Variants in ZEB1 observed in about 807,000 individuals in gnomAD.
The protein encoded by ZEB1 is zinc finger E-box-binding homeobox 1.
Under a neutral mutation model 84.9 loss-of-function variants are expected in ZEB1, and 21 were observed. The ratio of observed to expected loss-of-function variants is 0.25; its 90% CI spans 0.18 to 0.36. The LOEUF (loss-of-function observed/expected upper bound fraction) is 0.36, where lower values mean the gene tolerates loss of function less well. Among genes scored for constraint, ZEB1 ranks in the 10% least tolerant of loss-of-function variants. The pLI, the probability that ZEB1 is intolerant of heterozygous loss-of-function variation, is 1.00. For missense variants in ZEB1, 1,104 were observed against 1,330.2 expected (o/e 0.83, Z 2.65); for synonymous variants, 420 against 471.1 (o/e 0.89, Z 1.41).
At chr10:31,503,488 G>T (rs1050294603) in intron 4 of ZEB1, among the ~76,000 whole-genome samples, 6 of 151,986 alleles carry the variant, frequency 3.9e-5, no homozygotes, top group Non-Finnish European at 7.4e-5. Flanking sequence ...GTACACTGAG[G>T]TTGATTCCAT....
At chr10:31,414,525 TTA>T (rs1491174738) in intron 1 of ZEB1, among the ~76,000 whole-genome samples, 3 of 152,174 alleles carry the variant, frequency 2.0e-5, no homozygotes, top group Non-Finnish European at 4.4e-5. Context: ...AATTTGAAAA[TTA>T]GAGGGGCTAC....
intron 2 of ZEB1, among the ~76,000 whole-genome samples, chr10:31,478,202 A>G (rs1019212687): frequency 7.9e-5 from 12 of 152,104 alleles, no homozygotes; most frequent in African/African-American, 2.9e-4. Flanking sequence ...AAGGACATGG[A>G]CAGACATTTC....
rs2072923723 is a variant in ZEB1, at chr10:31,524,117, T to A, written c.2785+4T>A. 5.0e-6 allele frequency: 8 copies of A among 1,613,392 alleles called. No homozygotes were observed. The highest frequency in any genetic ancestry group is 6.8e-6 in the Non-Finnish European group (8 of 1,179,736). On this transcript the variant is annotated splice_donor_region_variant and intron_variant, in intron 8 of 8. Transcript: ENST00000424869. Reference sequence around the variant, plus strand: ...AGACATAAATATGAACACACAGGTATGTCAGTGAACACAAACATAAAGTGT... The same window carrying A: ...AGACATAAATATGAACACACAGGTAAGTCAGTGAACACAAACATAAAGTGT...
chr10:31,349,937 CT>C (rs1564546356), intron 1 of ZEB1, among the ~76,000 whole-genome samples: 1 of 151,960 alleles, frequency 6.6e-6, no homozygotes, highest in African/African-American at 2.4e-5. Flanking sequence ...TCCTATTTGT[CT>C]ATTTTTGTTT....
intron 1 of ZEB1, among the ~76,000 whole-genome samples, chr10:31,399,033 C>T (rs2051381171): frequency 6.7e-6 from 1 of 149,916 alleles, no homozygotes; most frequent in African/African-American, 2.5e-5. Flanking sequence ...CTCTGTCTCC[C>T]AAGCTGGAGT....
intron 6 of ZEB1, among the ~76,000 whole-genome samples, chr10:31,516,942 T>G (rs1241603669): frequency 6.6e-6 from 1 of 152,078 alleles, no homozygotes; most frequent in Non-Finnish European, 1.5e-5. Flanking sequence ...CCTGTGTTAC[T>G]CATTCTTGAG....
Position 31,478,195 on chromosome 10 carries a change from G to A in ZEB1, c.259+16958G>A, listed in dbSNP as rs530931186. 3.3e-5 allele frequency among the ~76,000 whole-genome samples: 5 copies of A among 152,026 alleles called. No homozygotes were observed. In the East Asian group the frequency reaches 9.7e-4, roughly 29 times the overall value. On this transcript the variant is annotated intron_variant, in intron 2 of 8. Coordinates refer to ENST00000424869, the MANE Select transcript of ZEB1 (RefSeq NM_001174096.2). ...CAACCCCATTAAATATTGGTCAAAG[G>A]ACATGGACAGACATTTCTTAAAAGA...
chr10:31,455,489 G>T (rs1474026718), intron 1 of ZEB1, among the ~76,000 whole-genome samples: 1 of 152,084 alleles, frequency 6.6e-6, no homozygotes, highest in African/African-American at 2.4e-5. Context: ...TACAGAATGG[G>T]AGAAAATTTT....
At chr10:31,474,218 A>G (rs1267479820) in intron 2 of ZEB1, among the ~76,000 whole-genome samples, 1 of 152,062 alleles carries the variant, frequency 6.6e-6, no homozygotes, top group Non-Finnish European at 1.5e-5. Flanking sequence ...ATGGGATCTA[A>G]TTAAACTAAA....
At chr10:31,397,895 A>G (rs771814155) in intron 1 of ZEB1, among the ~76,000 whole-genome samples, 3 of 152,138 alleles carry the variant, frequency 2.0e-5, no homozygotes, top group African/African-American at 4.8e-5. Flanking sequence ...AGCAGATACA[A>G]TGCTTGTGGA....
intron 1 of ZEB1, among the ~76,000 whole-genome samples, chr10:31,407,249 C>A (rs2053280851): frequency 8.4e-6 from 1 of 118,834 alleles, no homozygotes; most frequent in Non-Finnish European, 1.7e-5. Flanking sequence ...TCCCCCCTCC[C>A]CCCACCCCAC....
intron 1 of ZEB1, among the ~76,000 whole-genome samples, chr10:31,433,975 G>T (rs975277048): frequency 6.6e-6 from 1 of 152,162 alleles, no homozygotes; most frequent in African/African-American, 2.4e-5. Context: ...GTTCAAATAA[G>T]TTAAAGAAGA....
intron 1 of ZEB1, among the ~76,000 whole-genome samples, chr10:31,429,311 A>G (rs1008174345): frequency 2.0e-5 from 3 of 152,106 alleles, no homozygotes; most frequent in Non-Finnish European, 4.4e-5. Flanking sequence ...TTTTTCCTTC[A>G]CTTATGAAGC....
At chr10:31,421,331 A>T (rs981002723) in intron 1 of ZEB1, among the ~76,000 whole-genome samples, 1 of 152,146 alleles carries the variant, frequency 6.6e-6, no homozygotes, top group African/African-American at 2.4e-5. Context: ...CTACACATGC[A>T]TGGGTTGGGA....
chr10:31,343,576 T>C (rs1381263527), intron 1 of ZEB1, among the ~76,000 whole-genome samples: 1 of 152,144 alleles, frequency 6.6e-6, no homozygotes, highest in Non-Finnish European at 1.5e-5. Context: ...TTTGTGTGTG[T>C]ATGTCTTTCA....
chr10:31,384,790 C>T (rs1167370679), intron 1 of ZEB1, among the ~76,000 whole-genome samples: 2 of 152,288 alleles, frequency 1.3e-5, no homozygotes, highest in East Asian at 1.9e-4. Flanking sequence ...TAGTCAGTTC[C>T]TCTGTCTAGG....
chr10:31,525,975 T>C (rs2073349570), intron 8 of ZEB1, among the ~76,000 whole-genome samples: 1 of 152,242 alleles, frequency 6.6e-6, no homozygotes, highest in Admixed American at 6.5e-5. Flanking sequence ...AACTGCTTGA[T>C]AGCTCTGAAA....
At chr10:31,487,186 G>C (rs1418897185) in intron 2 of ZEB1, among the ~76,000 whole-genome samples, 1 of 151,240 alleles carries the variant, frequency 6.6e-6, no homozygotes, top group Non-Finnish European at 1.5e-5. Flanking sequence ...TAAAATTGGA[G>C]GATGTTATTT....
At chr10:31,416,096 AGT>A (rs559621990) in intron 1 of ZEB1, among the ~76,000 whole-genome samples, 5 of 151,916 alleles carry the variant, frequency 3.3e-5, no homozygotes, top group South Asian at 4.1e-4. Context: ...CCTGTGTAGA[AGT>A]GTGATTATCT....
Sources: gnomAD v4.1 joint callset for allele counts (sites outside exome capture counted in the v4.1 genomes callset) on GRCh38, gnomAD v4.1.1 for gene constraint, MANE v1.5 for transcripts, NCBI Gene and HGNC (gene_info 2026-07-23, HGNC 2026-07-21) for gene names.